The following SHTN1 variants were observed in gnomAD, a reference collection of about 807,000 sequenced individuals.
The protein encoded by SHTN1 is shootin-1.
SHTN1 carries 42 observed loss-of-function variants against 83.1 expected under a neutral mutation model. That is an observed-to-expected ratio of 0.51 (90% CI 0.39 to 0.65). The LOEUF (loss-of-function observed/expected upper bound fraction) is 0.65, where lower values mean the gene tolerates loss of function less well. SHTN1 is among the 30% of genes least tolerant of loss of function. SHTN1 has a pLI of 0.00. For synonymous variants in SHTN1, 224 were observed against 247.7 expected (o/e 0.90, Z 0.90); for missense variants, 622 against 737.8 (o/e 0.84, Z 1.82).
At chr10:116,985,549 A>G (rs1851190474) in intron 1 of SHTN1, among the ~76,000 whole-genome samples, 1 of 152,198 alleles carries the variant, frequency 6.6e-6, no homozygotes, top group African/African-American at 2.4e-5. Flanking sequence ...AGGAAGAAGG[A>G]AGAATGGATC....
At chr10:116,902,122 C>T (rs898307334) in intron 15 of SHTN1, among the ~76,000 whole-genome samples, 165 bp from the exon 16 acceptor site, 2 of 152,202 alleles carry the variant, frequency 1.3e-5, no homozygotes, top group Non-Finnish European at 2.9e-5. Flanking sequence ...GCTCTGCTTT[C>T]GTGGTACTAC....
At chr10:116,917,802 G>C (rs1351177174) in intron 12 of SHTN1, among the ~76,000 whole-genome samples, 1 of 152,192 alleles carries the variant, frequency 6.6e-6, no homozygotes, top group Admixed American at 6.5e-5. Flanking sequence ...TCTGTATTGT[G>C]TACAGATTAT....
intron 1 of SHTN1, among the ~76,000 whole-genome samples, chr10:117,093,037 C>T (rs1589929457): frequency 6.6e-6 from 1 of 152,142 alleles, no homozygotes; most frequent in Admixed American, 6.5e-5. Context: ...TCAGACTCTA[C>T]AATATATAAT....
chr10:117,017,049 G>A (rs1480353497), intron 2 of SHTN1, among the ~76,000 whole-genome samples: 4 of 152,058 alleles, frequency 2.6e-5, no homozygotes, highest in African/African-American at 7.2e-5. Context: ...TGATTCTAAG[G>A]CTGTGGCAGG....
chr10:116,984,742 G>A (rs149924277), intron 1 of SHTN1, among the ~76,000 whole-genome samples: 223 of 152,124 alleles, frequency 1.5e-3, no homozygotes, highest in African/African-American at 5.3e-3. Context: ...CTATCCCAAG[G>A]GCATTCTTTA....
intron 3 of SHTN1, among the ~76,000 whole-genome samples, chr10:116,962,645 A>C (rs1277288426): frequency 3.3e-5 from 5 of 152,304 alleles, no homozygotes; most frequent in Middle Eastern, 3.4e-3. Flanking sequence ...CAAAACAAAA[A>C]AAACATTTAT....
At chr10:116,889,721 G>A (rs1435517541) in intron 16 of SHTN1, among the ~76,000 whole-genome samples, 1 of 152,178 alleles carries the variant, frequency 6.6e-6, no homozygotes, top group East Asian at 1.9e-4. Flanking sequence ...TCTTCTCCTA[G>A]AAACAGGAGG....
chr10:116,942,555 G>C (rs1195546340), intron 8 of SHTN1, among the ~76,000 whole-genome samples: 2 of 152,136 alleles, frequency 1.3e-5, no homozygotes, highest in Non-Finnish European at 2.9e-5. Flanking sequence ...TTTTAATATA[G>C]TTATGAAGAC....
At chr10:117,046,466 A>G (rs1852665787) in intron 2 of SHTN1, among the ~76,000 whole-genome samples, 1 of 152,218 alleles carries the variant, frequency 6.6e-6, no homozygotes, top group East Asian at 1.9e-4. Context: ...ACAGTTTGGC[A>G]GCAACTCCCA....
At chr10:116,970,146 C>G (rs1447265138) in intron 2 of SHTN1, among the ~76,000 whole-genome samples, 3 of 152,032 alleles carry the variant, frequency 2.0e-5, no homozygotes, top group African/African-American at 7.2e-5. Flanking sequence ...CTGAAAAAAT[C>G]TGATACCAGG....
At chr10:116,930,292 T>A (rs80356291) in intron 9 of SHTN1, among the ~76,000 whole-genome samples, 4,072 of 152,160 alleles carry the variant, frequency 0.027, 173 homozygotes, top group African/African-American at 0.092. Flanking sequence ...TATAGGTAAA[T>A]TGTGTGTCAC....
intron 1 of SHTN1, among the ~76,000 whole-genome samples, chr10:117,067,803 G>C (rs151318111): frequency 6.6e-6 from 1 of 152,128 alleles, no homozygotes; most frequent in African/African-American, 2.4e-5. Context: ...CTAGGAGATA[G>C]AGTTGACAGT....
rs570353576 is a variant in SHTN1, at chr10:116,982,812, A to G, written c.59-3504T>C. On this transcript the variant is annotated intron_variant, in intron 1 of 16. Coordinates refer to ENST00000355371, the MANE Select transcript of SHTN1 (RefSeq NM_001127211.3). ...CATCTCTTCTAAAAATACAAAAAAAATTAGCCAGGTATGGCAGCACACGCC... is the reference window on the plus strand; with the variant it reads ...CATCTCTTCTAAAAATACAAAAAAAGTTAGCCAGGTATGGCAGCACACGCC... 2.0e-5 allele frequency among the ~76,000 whole-genome samples: 3 copies of G among 152,302 alleles called. No homozygotes were observed. In the South Asian group the frequency reaches 6.2e-4, roughly 32 times the overall value.
At chr10:116,992,144 AAAAC>A (rs1394586576) in intron 1 of SHTN1, among the ~76,000 whole-genome samples, 3 of 152,208 alleles carry the variant, frequency 2.0e-5, no homozygotes, top group Non-Finnish European at 4.4e-5. Flanking sequence ...GCTGTCTCAA[AAAAC>A]AAACAAAACA....
At chr10:117,100,337 G>A (rs915141328) in intron 1 of SHTN1, among the ~76,000 whole-genome samples, 12 of 151,988 alleles carry the variant, frequency 7.9e-5, no homozygotes, top group Non-Finnish European at 1.5e-4. Flanking sequence ...CTGCTTTCAC[G>A]CTAGGATGGC....
chr10:116,904,099 C>T lies in SHTN1; in HGVS notation c.1481-2142G>A, dbSNP rs1339574453. On this transcript the variant is annotated intron_variant, in intron 15 of 16. Transcript: ENST00000355371. Reference sequence around the variant, plus strand: ...AGCTCTGCAAACTCTCAGGCTGTCTCTCTTCTGATGTTTCCTTTCTCTACT... The same window carrying T: ...AGCTCTGCAAACTCTCAGGCTGTCTTTCTTCTGATGTTTCCTTTCTCTACT... Among the ~76,000 whole-genome samples, 4 of 152,332 alleles carry T rather than the reference C, an allele frequency of 2.6e-5. No individual in the cohort carries two copies. In the East Asian group the frequency reaches 7.7e-4, roughly 29 times the overall value.
In SHTN1 at chr10:116,885,352, TAA is replaced by T. The variant is rs1847134280; in HGVS notation, c.*990_*991del. On this transcript the variant is annotated 3_prime_UTR_variant, in exon 17 of 17. Coordinates refer to ENST00000355371, the MANE Select transcript of SHTN1 (RefSeq NM_001127211.3). ...AAACAATCAACTTTGAAAAGCTGCA[TAA>T]GTTTTTTTTTTAATCCCTGATTACA... 6.6e-6 allele frequency: 1 copy of T among 152,614 alleles called. No homozygotes were observed. The highest frequency in any genetic ancestry group is 2.4e-5 in the African/African-American group (1 of 41,442). 9.5% of individuals were successfully genotyped at this position (152,614 alleles called of 1,614,324 possible).
intron 1 of SHTN1, among the ~76,000 whole-genome samples, chr10:117,102,015 A>AAAAG (rs1554939386): frequency 6.6e-6 from 1 of 151,804 alleles, no homozygotes; most frequent in Non-Finnish European, 1.5e-5. Flanking sequence ...AGAAAAAAAA[A>AAAAG]AAGAAGAAGA....
At chr10:117,067,952 A>T (rs555454575) in intron 1 of SHTN1, among the ~76,000 whole-genome samples, 1 of 152,300 alleles carries the variant, frequency 6.6e-6, no homozygotes, top group East Asian at 1.9e-4. Context: ...AATAGCTTGG[A>T]GAGCCATAGG....
Sources: gnomAD v4.1 joint callset for allele counts (sites outside exome capture counted in the v4.1 genomes callset) on GRCh38, gnomAD v4.1.1 for gene constraint, MANE v1.5 for transcripts, NCBI Gene and HGNC (gene_info 2026-07-23, HGNC 2026-07-21) for gene names.